Variants in RNF11 observed in about 807,000 individuals in gnomAD.
RNF11 encodes the protein ring finger protein 11.
A neutral mutation model predicts 15.8 loss-of-function variants in RNF11; 4 were observed. That is an observed-to-expected ratio of 0.25 (90% CI 0.12 to 0.58). RNF11 has a LOEUF of 0.58. RNF11 is among the 20% of genes least tolerant of loss of function. The pLI is 0.91. For missense variants in RNF11, 139 were observed against 194.4 expected (o/e 0.71, Z 1.70); for synonymous variants, 68 against 72.3 (o/e 0.94, Z 0.30).
At chr1:51,255,444 G>A (rs910556414) in intron 1 of RNF11, among the ~76,000 whole-genome samples, 1 of 152,162 alleles carries the variant, frequency 6.6e-6, no homozygotes, top group African/African-American at 2.4e-5. Context: ...CTTTTTGGCA[G>A]AGACAAGGTC....
intron 1 of RNF11, chr1:51,251,578 T>C (rs1272995553): frequency 1.8e-6 from 1 of 548,980 alleles, no homozygotes; most frequent in African/African-American, 1.9e-5. Context: ...GATGGATGCA[T>C]AAAATATGTA....
intron 1 of RNF11, among the ~76,000 whole-genome samples, chr1:51,252,774 G>C (rs1375080025): frequency 6.6e-6 from 1 of 150,914 alleles, no homozygotes; most frequent in Non-Finnish European, 1.5e-5. Flanking sequence ...GGCCTTTCGG[G>C]TATTGTCTTT....
intron 1 of RNF11, among the ~76,000 whole-genome samples, chr1:51,238,403 G>C (rs1646814874): frequency 6.6e-6 from 1 of 152,192 alleles, no homozygotes; most frequent in African/African-American, 2.4e-5. Flanking sequence ...CCGGTTTGCT[G>C]TTGTATCCCT....
chr1:51,242,693 G>A (rs1393562282), intron 1 of RNF11, among the ~76,000 whole-genome samples: 1 of 151,882 alleles, frequency 6.6e-6, no homozygotes, highest in Non-Finnish European at 1.5e-5. Flanking sequence ...GAACTCCTGG[G>A]CTCAAGTGAT....
intron 1 of RNF11, chr1:51,264,987 C>T (rs1450057329): frequency 1.3e-5 from 2 of 152,092 alleles, no homozygotes; most frequent in Non-Finnish European, 2.9e-5. Context: ...AGAGATTTTT[C>T]GCATCAGATC....
intron 1 of RNF11, among the ~76,000 whole-genome samples, chr1:51,240,465 A>G (rs1646823644): frequency 6.6e-6 from 1 of 151,750 alleles, no homozygotes; most frequent in Non-Finnish European, 1.5e-5. Context: ...CCCCAATACC[A>G]TTTATTACAT....
chr1:51,254,402 A>G (rs938386443), intron 1 of RNF11, among the ~76,000 whole-genome samples: 4 of 152,038 alleles, frequency 2.6e-5, no homozygotes, highest in African/African-American at 9.7e-5. Context: ...GTTGTGCCTC[A>G]GCCTCCCGAG....
intron 1 of RNF11, among the ~76,000 whole-genome samples, chr1:51,250,098 G>T (rs1045207756): frequency 5.3e-5 from 8 of 152,122 alleles, no homozygotes; most frequent in Non-Finnish European, 1.2e-4. Context: ...AGTTTCATTT[G>T]TGCCACGTCT....
intron 1 of RNF11, among the ~76,000 whole-genome samples, chr1:51,256,784 G>A (rs1646905977): frequency 6.6e-6 from 1 of 151,994 alleles, no homozygotes; most frequent in Non-Finnish European, 1.5e-5. Context: ...AGCGATTCTC[G>A]TGCCTTAGCC....
In RNF11 at chr1:51,236,813, T is replaced by G. The variant is rs144300978; in HGVS notation, c.57T>G (p.Ser19=). The G allele has an allele frequency of 3.1e-6, 5 of 1,612,864 alleles. No individual in the cohort carries two copies. The East Asian group carries it at 1.1e-4, about 36-fold the overall frequency. Reference sequence around the variant, plus strand: ...ATGACATCTCCCTGCTTCACGAGTCTCAGTCCGACCGGGCTAGCTTTGGCG... The same window carrying G: ...ATGACATCTCCCTGCTTCACGAGTCGCAGTCCGACCGGGCTAGCTTTGGCG... The part of the protein sequence containing the change: ...TSDDISLLHE[S]QSDRASFGEG... Residue 19 remains serine (S), a synonymous_variant, in exon 1 of 3, where the codon TCT becomes TCG. Coordinates refer to ENST00000242719, the MANE Select transcript of RNF11 (RefSeq NM_014372.5).
At chr1:51,257,895 T>C (rs1477742593) in intron 1 of RNF11, among the ~76,000 whole-genome samples, 1 of 139,536 alleles carries the variant, frequency 7.2e-6, no homozygotes, top group Non-Finnish European at 1.5e-5. Context: ...TTGCTGATGC[T>C]CAGGCTGGAG....
intron 1 of RNF11, among the ~76,000 whole-genome samples, chr1:51,263,697 A>G (rs1002775741): frequency 5.3e-5 from 8 of 152,212 alleles, no homozygotes; most frequent in African/African-American, 1.9e-4. Context: ...AGGCAAATCT[A>G]TAGAGACAAA....
Position 51,251,418 on chromosome 1 carries a change from T to C in RNF11, c.123+14539T>C, listed in dbSNP as rs1569664466. 4 of 1,249,302 alleles carry C rather than the reference T, an allele frequency of 3.2e-6. No homozygotes were observed. The African/African-American group carries it at 4.5e-5, about 14-fold the overall frequency. The allele number at this position is 1,249,302 out of a possible 1,614,324, so 77.4% of individuals were successfully genotyped here. Reference sequence around the variant, plus strand: ...GAAACCTCCGCGGAAGCCACCGCAGTTCCCCATCCCAGGGCCTCCGGGCCC... The same window carrying C: ...GAAACCTCCGCGGAAGCCACCGCAGCTCCCCATCCCAGGGCCTCCGGGCCC... On this transcript the variant is annotated intron_variant, in intron 1 of 2. Coordinates refer to ENST00000242719, the MANE Select transcript of RNF11 (RefSeq NM_014372.5).
At chr1:51,239,910 A>G (rs1321976730) in intron 1 of RNF11, among the ~76,000 whole-genome samples, 2 of 152,146 alleles carry the variant, frequency 1.3e-5, no homozygotes, top group African/African-American at 4.8e-5. Context: ...ACATCTGACA[A>G]ATTTGTTTTT....
intron 1 of RNF11, among the ~76,000 whole-genome samples, chr1:51,267,208 A>G (rs1646958671): frequency 6.6e-6 from 1 of 152,210 alleles, no homozygotes; most frequent in Admixed American, 6.5e-5. Context: ...ACCTTTTGTC[A>G]TTAGGTCCAT....
intron 1 of RNF11, among the ~76,000 whole-genome samples, chr1:51,269,242 A>G (rs1164462707): frequency 6.6e-6 from 1 of 152,178 alleles, no homozygotes; most frequent in Non-Finnish European, 1.5e-5. Flanking sequence ...ACTCCATCCC[A>G]GCTTCATTCC....
intron 1 of RNF11, among the ~76,000 whole-genome samples, chr1:51,261,876 AT>A (rs1241498794): frequency 2.0e-5 from 3 of 151,908 alleles, no homozygotes. Flanking sequence ...TTAAATAAAA[AT>A]TTCACGGCTC....
chr1:51,252,477 T>C (rs891194690), intron 1 of RNF11, among the ~76,000 whole-genome samples: 2 of 152,066 alleles, frequency 1.3e-5, no homozygotes, highest in Admixed American at 1.3e-4. Flanking sequence ...TAGCTGGATG[T>C]GGTGGCGGGC....
chr1:51,243,965 C>T (rs547456815), intron 1 of RNF11, among the ~76,000 whole-genome samples: 167 of 152,326 alleles, frequency 1.1e-3, no homozygotes, highest in African/African-American at 3.7e-3. Flanking sequence ...CTTCCTTAAT[C>T]CTTCCCAGTC....
Sources: allele counts gnomAD v4.1 joint callset (sites outside exome capture counted in the v4.1 genomes callset), GRCh38; gene constraint gnomAD v4.1.1; transcripts MANE v1.5; gene names NCBI Gene and HGNC (gene_info 2026-07-23, HGNC 2026-07-21).